Variants in NOL10 observed in about 807,000 individuals in gnomAD.
NOL10 encodes the protein H_NH0074G24.1.
A neutral mutation model predicts 103.5 loss-of-function variants in NOL10; 58 were observed. The observed-to-expected ratio is 0.56, with a 90% CI of 0.45 to 0.70. The LOEUF (loss-of-function observed/expected upper bound fraction) is 0.70. NOL10 is among the 30% of genes least tolerant of loss of function. The pLI is 0.00. For synonymous variants in NOL10, 287 were observed against 282.5 expected, an observed-to-expected ratio of 1.02 and a Z score of -0.16; for missense variants, 763 against 807.3, an observed-to-expected ratio of 0.95 and a Z score of 0.67.
intron 20 of NOL10, among the ~76,000 whole-genome samples, chr2:10,573,413 C>T (rs1181098965): frequency 1.3e-5 from 2 of 152,140 alleles, no homozygotes; most frequent in South Asian, 2.1e-4. Flanking sequence ...AGGATGGTCT[C>T]GATCTCTTGA....
chr2:10,635,926 C>T (rs2148256937), intron 13 of NOL10, among the ~76,000 whole-genome samples: 1 of 152,306 alleles, frequency 6.6e-6, no homozygotes, highest in South Asian at 2.1e-4. Context: ...GTCTGTGTCA[C>T]CCAGGCTGGA....
At chr2:10,664,425 T>C (rs1680445560) in intron 8 of NOL10, among the ~76,000 whole-genome samples, 1 of 151,764 alleles carries the variant, frequency 6.6e-6, no homozygotes, top group Non-Finnish European at 1.5e-5. Flanking sequence ...AAAAACAGAA[T>C]GGAGAAACTG....
chr2:10,606,358 C>T (rs1676257597), intron 14 of NOL10, among the ~76,000 whole-genome samples: 1 of 151,908 alleles, frequency 6.6e-6, no homozygotes, highest in Non-Finnish European at 1.5e-5. Context: ...GGCGTGGTGG[C>T]TCGCACCTGT....
In NOL10 at chr2:10,678,354, G is replaced by GT. The variant is rs1367049168; in HGVS notation, c.212-2484dup. On this transcript the variant is annotated intron_variant, in intron 3 of 20. Coordinates refer to ENST00000381685, the MANE Select transcript of NOL10 (RefSeq NM_024894.4). ...GGCATGAGCTACTGTGTACCCTGCT[G>GT]TTTTTTATTGCTATGTTCTTTGAAA... 2.4e-4 allele frequency among the ~76,000 whole-genome samples: 36 copies of GT among 148,736 alleles called. No individual in the cohort carries two copies. The Admixed American group carries it at 2.4e-3, about 10-fold the overall frequency.
intron 13 of NOL10, among the ~76,000 whole-genome samples, chr2:10,631,295 G>C (rs1677823059): frequency 6.6e-6 from 1 of 152,116 alleles, no homozygotes. Flanking sequence ...CAAATCTTAG[G>C]GAATGACGTG....
intron 20 of NOL10, among the ~76,000 whole-genome samples, chr2:10,576,794 G>A (rs1450469943): frequency 6.6e-6 from 1 of 152,144 alleles, no homozygotes; most frequent in Non-Finnish European, 1.5e-5. Context: ...CAGTGTGATG[G>A]TTGCCCAACT....
chr2:10,601,835 C>T (rs921483630), intron 16 of NOL10, among the ~76,000 whole-genome samples: 3 of 152,164 alleles, frequency 2.0e-5, no homozygotes, highest in African/African-American at 7.2e-5. Context: ...AATCTTTTAA[C>T]AGTCTGGAAA....
rs546139552 is a variant in NOL10 at position 10,672,600 on chromosome 2, C to T, written c.328-910G>A. Reference sequence around the variant, plus strand: ...TAAAGCCATGTCAGCTAAGAAAATTCAATTTTCTTTCAAGATGCCATTTGA... The same window carrying T: ...TAAAGCCATGTCAGCTAAGAAAATTTAATTTTCTTTCAAGATGCCATTTGA... On this transcript the variant is annotated intron_variant, in intron 5 of 20. Transcript: ENST00000381685. Among the ~76,000 whole-genome samples the T allele has an allele frequency of 4.6e-5, 7 of 152,288 alleles. No individual in the cohort carries two copies. The South Asian group carries it at 8.3e-4, about 18-fold the overall frequency.
chr2:10,682,389 C>A (rs1201359341), intron 2 of NOL10, among the ~76,000 whole-genome samples: 2 of 150,232 alleles, frequency 1.3e-5, no homozygotes, highest in African/African-American at 4.9e-5. Flanking sequence ...AGAGCATAAA[C>A]ATTAAACCAC....
At position 10,588,063 on chromosome 2, in the gene NOL10, A is replaced by G. The variant is rs1675207556; in HGVS notation, c.1844+980T>C. 3.9e-5 allele frequency among the ~76,000 whole-genome samples: 6 copies of G among 152,244 alleles called. No individual in the cohort carries two copies. In the South Asian group the frequency reaches 1.2e-3, roughly 32 times the overall value. The stretch of plus-strand genomic sequence containing the variant: ...TCATATTCCAATCTTGTGCATCAAT[A>G]CTTTGCCTAGGAATTCTCAAAGCAG... On this transcript the variant is annotated intron_variant, in intron 19 of 20. Transcript: ENST00000381685.
intron 3 of NOL10, among the ~76,000 whole-genome samples, chr2:10,677,317 G>A (rs116091962): frequency 0.012 from 1,797 of 151,980 alleles, 8 homozygotes; most frequent in Middle Eastern, 0.017. Flanking sequence ...GTGCAATTTC[G>A]GAGACTTTCA....
intron 13 of NOL10, among the ~76,000 whole-genome samples, chr2:10,628,770 G>GT (rs1677646719): frequency 6.6e-6 from 1 of 152,174 alleles, no homozygotes; most frequent in African/African-American, 2.4e-5. Context: ...GTCATGCGCA[G>GT]TATTAGGAAA....
At chr2:10,602,652 C>T in intron 16 of NOL10, 124 bp downstream of exon 16, 1 of 652,966 alleles carries the variant, frequency 1.5e-6, no homozygotes, top group Non-Finnish European at 2.6e-6. Flanking sequence ...CCAAAAATAT[C>T]AGTAAAAGAT....
intron 13 of NOL10, among the ~76,000 whole-genome samples, chr2:10,636,141 G>A (rs1387965235): frequency 6.6e-6 from 1 of 152,156 alleles, no homozygotes; most frequent in African/African-American, 2.4e-5. Flanking sequence ...ACCCGCCTCG[G>A]CCTCCCAAAG....
intron 17 of NOL10, among the ~76,000 whole-genome samples, chr2:10,599,707 G>A (rs1310742979): frequency 3.3e-5 from 5 of 152,168 alleles, no homozygotes; most frequent in African/African-American, 1.2e-4. Flanking sequence ...GGGATGCAGG[G>A]AAAGACTAAG....
intron 3 of NOL10, among the ~76,000 whole-genome samples, chr2:10,679,416 T>C (rs1681563757): frequency 6.6e-6 from 1 of 151,762 alleles, no homozygotes; most frequent in South Asian, 2.1e-4. Flanking sequence ...CCTATATTTC[T>C]AGCCACTCAG....
chr2:10,625,273 T>C (rs1208103275), intron 13 of NOL10, among the ~76,000 whole-genome samples: 1 of 152,084 alleles, frequency 6.6e-6, no homozygotes, highest in Non-Finnish European at 1.5e-5. Context: ...AACTATGAAC[T>C]TCAGGTGGTG....
chr2:10,580,798 C>T (rs1013247141), intron 19 of NOL10, among the ~76,000 whole-genome samples: 4 of 151,936 alleles, frequency 2.6e-5, no homozygotes, highest in Admixed American at 6.6e-5. Context: ...TTTTGAATCC[C>T]GCTGCATGGA....
intron 13 of NOL10, 36 bp from the exon 14 acceptor site, chr2:10,607,347 G>C (rs751016921): frequency 6.4e-7 from 1 of 1,565,586 alleles, no homozygotes; most frequent in Admixed American, 2.0e-5. Flanking sequence ...CAAAGGCACA[G>C]TTTACCACGC....
Sources: gnomAD v4.1 joint callset for allele counts (sites outside exome capture counted in the v4.1 genomes callset) on GRCh38, gnomAD v4.1.1 for gene constraint, MANE v1.5 for transcripts, NCBI Gene and HGNC (gene_info 2026-07-23, HGNC 2026-07-21) for gene names.